KHDRBS2: variants seen among roughly 807,000 people sequenced by gnomAD.
The protein encoded by KHDRBS2 is KH RNA binding domain containing, signal transduction associated 2, also known as KH domain-containing, RNA-binding, signal transduction-associated protein 2.
Under a neutral mutation model 44.3 loss-of-function variants are expected in KHDRBS2, and 26 were observed. The ratio of observed to expected loss-of-function variants is 0.59; its 90% CI spans 0.43 to 0.81. The LOEUF (loss-of-function observed/expected upper bound fraction) is 0.81, where lower values mean the gene tolerates loss of function less well. Ranked by LOEUF, KHDRBS2 falls within the 40% of genes least tolerant of loss-of-function variation. KHDRBS2 has a pLI of 0.00. For synonymous variants in KHDRBS2, 194 were observed against 151.1 expected (o/e 1.28, Z -2.08); for missense variants, 476 against 433.1 (o/e 1.10, Z -0.88).
At chr6:61,900,990 T>C (rs1803897784) in intron 5 of KHDRBS2, among the ~76,000 whole-genome samples, 1 of 152,036 alleles carries the variant, frequency 6.6e-6, no homozygotes, top group South Asian at 2.1e-4. Flanking sequence ...TGACCCCAGG[T>C]AAATTTCATA....
rs116742551 is a variant in KHDRBS2, at chr6:62,005,204, C to T, written c.337-26992G>A. Among the ~76,000 whole-genome samples the T allele has an allele frequency of 5.9e-3, 905 of 152,150 alleles. 6 individuals are homozygous for T. Among genetic ancestry groups the T allele is most frequent in the Non-Finnish European group, 8.2e-3 (559 of 67,964 alleles). On this transcript the variant is annotated intron_variant, in intron 3 of 8. Transcript: ENST00000281156. Reference sequence around the variant, plus strand: ...GTAAGTGATTTTTCAATCCACTCCTCTTCCTCATCAGCAAAGTAACACTTG... The same window carrying T: ...GTAAGTGATTTTTCAATCCACTCCTTTTCCTCATCAGCAAAGTAACACTTG...
chr6:62,164,543 C>T (rs1818283214), intron 2 of KHDRBS2, among the ~76,000 whole-genome samples: 1 of 151,746 alleles, frequency 6.6e-6, no homozygotes, highest in African/African-American at 2.4e-5. Context: ...CCCCCTTTTA[C>T]TTCAAATTAT....
intron 1 of KHDRBS2, among the ~76,000 whole-genome samples, chr6:62,184,812 CTTTATT>C (rs1397177258): frequency 1.3e-5 from 2 of 151,778 alleles, no homozygotes; most frequent in Non-Finnish European, 3.0e-5. Context: ...TGCAGGAATA[CTTTATT>C]TTTATCTTGT....
chr6:62,163,954 T>C (rs1410556524), intron 2 of KHDRBS2, among the ~76,000 whole-genome samples: 1 of 151,980 alleles, frequency 6.6e-6, no homozygotes, highest in African/African-American at 2.4e-5. Flanking sequence ...GTTAAGTCAT[T>C]CCTCTAAGCT....
intron 2 of KHDRBS2, among the ~76,000 whole-genome samples, chr6:62,063,923 T>A (rs1278273164): frequency 2.1e-5 from 3 of 143,302 alleles, no homozygotes; most frequent in East Asian, 4.1e-4. Flanking sequence ...ATAAGCAACT[T>A]CAGCAAAGTC....
chr6:61,993,688 T>A (rs1238685592), intron 3 of KHDRBS2, among the ~76,000 whole-genome samples: 3 of 141,426 alleles, frequency 2.1e-5, no homozygotes, highest in Non-Finnish European at 3.1e-5. Flanking sequence ...TTTTTTTTGA[T>A]GTGAGCTTAT....
chr6:61,945,113 G>GTATATATATA (rs61105265), intron 4 of KHDRBS2, among the ~76,000 whole-genome samples: 403 of 14,910 alleles, frequency 0.027, 28 homozygotes, highest in Middle Eastern at 0.062. Flanking sequence ...AAAAAAAAAA[G>GTATATATATA]TATATATATA....
the KHDRBS2 span, among the ~76,000 whole-genome samples, chr6:61,623,703 C>T: frequency 6.6e-6 from 1 of 152,168 alleles, no homozygotes; most frequent in South Asian, 2.1e-4. Flanking sequence ...TCATGTTACC[C>T]ACCACAATTG....
intron 2 of KHDRBS2, among the ~76,000 whole-genome samples, chr6:62,167,079 C>A (rs1818857062): frequency 6.6e-6 from 1 of 151,908 alleles, no homozygotes; most frequent in African/African-American, 2.4e-5. Flanking sequence ...CTTCAGTTTT[C>A]CAGTTGAGGG....
chr6:61,982,108 A>G (rs1773961612), intron 3 of KHDRBS2, among the ~76,000 whole-genome samples: 2 of 152,194 alleles, frequency 1.3e-5, no homozygotes. Flanking sequence ...ATACCAAACT[A>G]AGAAGCAAAT....
intron 1 of KHDRBS2, among the ~76,000 whole-genome samples, chr6:62,252,610 T>C (rs1836736914): frequency 6.6e-6 from 1 of 151,996 alleles, no homozygotes; most frequent in Non-Finnish European, 1.5e-5. Context: ...GCTCAATACT[T>C]ATGTACTGAT....
chr6:61,937,119 G>GC (rs1562474755), intron 4 of KHDRBS2, among the ~76,000 whole-genome samples: 1 of 151,720 alleles, frequency 6.6e-6, no homozygotes, highest in Non-Finnish European at 1.5e-5. Flanking sequence ...TCATGGTGCT[G>GC]CATTCTGGTC....
intron 4 of KHDRBS2, among the ~76,000 whole-genome samples, chr6:61,943,529 C>T (rs1812576775): frequency 6.6e-6 from 1 of 152,026 alleles, no homozygotes; most frequent in Non-Finnish European, 1.5e-5. Flanking sequence ...TACAGACTGG[C>T]ATTATAAAGT....
intron 2 of KHDRBS2, among the ~76,000 whole-genome samples, chr6:62,067,989 AATG>A (rs1794145536): frequency 2.0e-5 from 3 of 151,650 alleles, no homozygotes; most frequent in Admixed American, 6.6e-5. Context: ...CTATTATAAT[AATG>A]TTGTTAGAAA....
At chr6:62,256,363 C>T (rs1257118403) in intron 1 of KHDRBS2, among the ~76,000 whole-genome samples, 2 of 151,886 alleles carry the variant, frequency 1.3e-5, no homozygotes, top group Admixed American at 1.3e-4. Context: ...TCTCACAATT[C>T]CCACGTGTTG....
chr6:61,894,218 C>T (rs1802507622), intron 6 of KHDRBS2, among the ~76,000 whole-genome samples: 1 of 151,990 alleles, frequency 6.6e-6, no homozygotes, highest in African/African-American at 2.4e-5. Flanking sequence ...AATGAAAGAC[C>T]AGCCACACGG....
At chr6:61,605,131 C>T in the KHDRBS2 span, among the ~76,000 whole-genome samples, 1 of 152,274 alleles carries the variant, frequency 6.6e-6, no homozygotes, top group East Asian at 1.9e-4. Context: ...GGCCTGTCCT[C>T]GGGATGCTAC....
chr6:61,685,142 A>G (rs1168284377), intron 8 of KHDRBS2, among the ~76,000 whole-genome samples: 3 of 151,832 alleles, frequency 2.0e-5, no homozygotes, highest in African/African-American at 4.8e-5. Flanking sequence ...TTCATCATTC[A>G]GTTGAACTTG....
intron 1 of KHDRBS2, among the ~76,000 whole-genome samples, chr6:62,281,727 A>C (rs1841833642): frequency 6.6e-6 from 1 of 152,170 alleles, no homozygotes; most frequent in African/African-American, 2.4e-5. Context: ...TTTCATCTTA[A>C]AAGAACCCTG....
Sources: allele counts gnomAD v4.1 joint callset (sites outside exome capture counted in the v4.1 genomes callset), GRCh38; gene constraint gnomAD v4.1.1; transcripts MANE v1.5; gene names NCBI Gene and HGNC (gene_info 2026-07-23, HGNC 2026-07-21).